Variants in TENM4 observed in about 807,000 individuals in gnomAD.
TENM4 encodes teneurin transmembrane protein 4.
Under a neutral mutation model 243.3 loss-of-function variants are expected in TENM4, and 82 were observed. That is an observed-to-expected ratio of 0.34 (90% CI 0.28 to 0.40). TENM4 has a LOEUF of 0.40. Among genes scored for constraint, TENM4 ranks in the 10% least tolerant of loss-of-function variants. The pLI is 1.00. For synonymous variants in TENM4, 1,412 were observed against 1,456.3 expected (o/e 0.97, Z 0.69); for missense variants, 3,138 against 3,673.3 (o/e 0.85, Z 3.77).
intron 20 of TENM4, among the ~76,000 whole-genome samples, chr11:78,737,401 G>C (rs1169365000): frequency 6.6e-6 from 1 of 152,210 alleles, no homozygotes; most frequent in Non-Finnish European, 1.5e-5. Flanking sequence ...CCCATGCCAA[G>C]CTTGCCAACC....
chr11:78,719,731 G>A (rs1480552346), intron 25 of TENM4, among the ~76,000 whole-genome samples: 1 of 152,232 alleles, frequency 6.6e-6, no homozygotes, highest in Non-Finnish European at 1.5e-5. Context: ...GACAGGTGAT[G>A]CTGACAGGCA....
At chr11:79,387,567 C>T (rs185065291) in intron 1 of TENM4, among the ~76,000 whole-genome samples, 3 of 152,284 alleles carry the variant, frequency 2.0e-5, no homozygotes, top group East Asian at 3.9e-4. Context: ...GAAGCTTGTA[C>T]CCACACTTAC....
intron 4 of TENM4, among the ~76,000 whole-genome samples, chr11:79,126,970 G>C (rs1352386230): frequency 6.6e-6 from 1 of 152,210 alleles, no homozygotes; most frequent in East Asian, 1.9e-4. Flanking sequence ...ACATCATTGT[G>C]ATCCTCCAGT....
chr11:79,192,184 A>T (rs978673594), intron 3 of TENM4, among the ~76,000 whole-genome samples: 1 of 150,298 alleles, frequency 6.7e-6, no homozygotes, highest in Non-Finnish European at 1.5e-5. Context: ...CCGGTCTGGG[A>T]GCTGAGGGGC....
rs567484008 is a variant in TENM4, at chr11:78,931,085, G to A, written c.494-27562C>T. On this transcript the variant is annotated intron_variant, in intron 6 of 33. Coordinates refer to ENST00000278550, the MANE Select transcript of TENM4 (RefSeq NM_001098816.3). ...TGATGGCCGCCAGCAACTCTTCCCC[G>A]GCCTGTTAACTCTCCCTTTTAGGTA... 4.6e-5 allele frequency among the ~76,000 whole-genome samples: 7 copies of A among 152,170 alleles called. No individual in the cohort carries two copies. In the East Asian group the frequency reaches 1.2e-3, roughly 25 times the overall value.
chr11:79,007,947 C>T (rs1022572771), intron 6 of TENM4, among the ~76,000 whole-genome samples: 18 of 152,238 alleles, frequency 1.2e-4, no homozygotes, highest in African/African-American at 3.9e-4. Context: ...CTTAGCAATG[C>T]GCCAAGCCAC....
chr11:78,866,223 C>T (rs567624033), intron 9 of TENM4, among the ~76,000 whole-genome samples: 4 of 152,072 alleles, frequency 2.6e-5, no homozygotes, highest in Admixed American at 6.6e-5. Flanking sequence ...CCAAAGGTAA[C>T]GGAGAAATTG....
At chr11:79,367,406 C>A (rs1266745998) in intron 1 of TENM4, among the ~76,000 whole-genome samples, 1 of 152,174 alleles carries the variant, frequency 6.6e-6, no homozygotes, top group Non-Finnish European at 1.5e-5. Flanking sequence ...TCTGTCCCTC[C>A]CCTTCCTCTC....
chr11:78,744,515 C>T (rs567469231), intron 19 of TENM4, among the ~76,000 whole-genome samples: 21 of 152,272 alleles, frequency 1.4e-4, no homozygotes, highest in African/African-American at 5.1e-4. Context: ...ATGCAGGATT[C>T]GCCATGAGAA....
chr11:78,824,432 A>T (rs1857804950), intron 12 of TENM4, among the ~76,000 whole-genome samples: 1 of 151,978 alleles, frequency 6.6e-6, no homozygotes, highest in African/African-American at 2.4e-5. Flanking sequence ...GGGATAGTAC[A>T]CACTCCCTTT....
chr11:79,212,519 C>A lies in TENM4; in HGVS notation c.-163+3289G>T, dbSNP rs1169243008. ...TTTTAAATTGTTAACCTACTCAAAT[C>A]CTTTTTGGAAAGGGGGTGGGAAGGC... On this transcript the variant is annotated intron_variant, in intron 3 of 33. Transcript: ENST00000278550. Among the ~76,000 whole-genome samples, 2 of 152,226 alleles carry A rather than the reference C, an allele frequency of 1.3e-5. 1 individual carries two copies. The highest frequency in any genetic ancestry group is 4.1e-4 in the South Asian group (2 of 4,820).
intron 4 of TENM4, among the ~76,000 whole-genome samples, chr11:79,070,916 G>A (rs76727007): frequency 2.0e-5 from 3 of 152,176 alleles, no homozygotes; most frequent in Non-Finnish European, 4.4e-5. Flanking sequence ...GTTACTCAGA[G>A]AATGTCCCTC....
At chr11:79,066,368 C>A (rs1406116737) in intron 5 of TENM4, among the ~76,000 whole-genome samples, 1 of 152,104 alleles carries the variant, frequency 6.6e-6, no homozygotes, top group Non-Finnish European at 1.5e-5. Flanking sequence ...CAAAGGAAAG[C>A]AAGAAAGAAC....
chr11:78,768,819 C>T (rs535068905), intron 18 of TENM4, among the ~76,000 whole-genome samples: 1 of 152,186 alleles, frequency 6.6e-6, no homozygotes, highest in South Asian at 2.1e-4. Flanking sequence ...CTCTCTCCCC[C>T]CGAGCTGTGG....
intron 3 of TENM4, among the ~76,000 whole-genome samples, chr11:79,185,857 A>T (rs991524202): frequency 4.6e-5 from 7 of 152,222 alleles, no homozygotes; most frequent in South Asian, 2.1e-4. Context: ...CTCCAGAAAC[A>T]TCTGCCAAAG....
At chr11:79,007,178 GGTA>G (rs1364631045) in intron 6 of TENM4, among the ~76,000 whole-genome samples, 1 of 152,110 alleles carries the variant, frequency 6.6e-6, no homozygotes, top group East Asian at 1.9e-4. Flanking sequence ...ACATCCTGTT[GGTA>G]GTATTTCTCC....
chr11:78,688,127 C>G lies in TENM4; in HGVS notation c.5187G>C (p.Glu1729Asp). The G allele has an allele frequency of 6.2e-7, 1 of 1,613,960 alleles. No individual in the cohort carries two copies. The highest frequency in any genetic ancestry group is 8.5e-7 in the Non-Finnish European group (1 of 1,179,888). Reference sequence around the variant, plus strand: ...TGGTGACATCATCCTTGCTGGAGGTCTCTACCTGGACATGCACTGAACTGT... The same window carrying G: ...TGGTGACATCATCCTTGCTGGAGGTGTCTACCTGGACATGCACTGAACTGT... ...DTDSSVHVQV[E>D]TSSKDDVTIT... Residue 1729 changes from glutamate to aspartate, a missense_variant, in exon 29 of 34, where the codon GAG becomes GAC. By Grantham distance (45) the Glu-to-Asp change is conservative. Transcript: ENST00000278550.
At chr11:78,871,356 G>GCATCAA (rs111618868) in intron 9 of TENM4, among the ~76,000 whole-genome samples, 80,772 of 151,366 alleles carry the variant, frequency 0.53, 24,166 homozygotes, top group East Asian at 0.78. Context: ...CTCTTTGTTG[G>GCATCAA]CATCATCTTC....
rs971761308 is a variant in TENM4, at chr11:78,654,275, GCCTGACAC to G, written c.*3775_*3782del. On this transcript the variant is annotated 3_prime_UTR_variant, in exon 34 of 34. Coordinates refer to ENST00000278550, the MANE Select transcript of TENM4 (RefSeq NM_001098816.3). ...GAGCAGTGGATGCTCAAATCCCCAAGCCTGACACCCTGCTGAGAGCTTGAAAGCTCATT... is the reference window on the plus strand; with the variant it reads ...GAGCAGTGGATGCTCAAATCCCCAAGCCTGCTGAGAGCTTGAAAGCTCATT... 6.6e-6 allele frequency: 1 copy of G among 152,148 alleles called. No individual in the cohort carries two copies. The highest frequency in any genetic ancestry group is 2.4e-5 in the African/African-American group (1 of 41,398). 9.4% of individuals were successfully genotyped at this position (152,148 alleles called of 1,614,324 possible). A position where few individuals can be genotyped will look rare whatever the true frequency, so the allele number is the denominator to read the frequency against.
Sources: gnomAD v4.1 joint callset for allele counts (sites outside exome capture counted in the v4.1 genomes callset) on GRCh38, gnomAD v4.1.1 for gene constraint, MANE v1.5 for transcripts, NCBI Gene and HGNC (gene_info 2026-07-23, HGNC 2026-07-21) for gene names.